The following SLC34A2 variants were observed in gnomAD, a reference collection of about 807,000 sequenced individuals.
SLC34A2 encodes the protein sodium-dependent phosphate transport protein 2B.
Under a neutral mutation model 50.8 loss-of-function variants are expected in SLC34A2, and 41 were observed. The observed-to-expected ratio is 0.81, with a 90% confidence interval of 0.63 to 1.05. SLC34A2 has a LOEUF of 1.05. SLC34A2 is among the 50% of genes least tolerant of loss of function. SLC34A2 has a pLI of 0.00. For missense variants in SLC34A2, 879 were observed against 876.7 expected (o/e 1.00, Z -0.03); for synonymous variants, 401 against 364.2 (o/e 1.10, Z -1.15).
At chr4:25,669,589 T>C in intron 6 of SLC34A2, 58 bp from the exon 7 acceptor site, 1 of 1,527,804 alleles carries the variant, frequency 6.5e-7, no homozygotes, top group East Asian at 2.2e-5. Context: ...ATGACCCACC[T>C]CACATGGTGC....
At chr4:25,669,962 C>T in intron 7 of SLC34A2, 120 bp downstream of exon 7, 1 of 965,282 alleles carries the variant, frequency 1.0e-6, no homozygotes. Flanking sequence ...GTGGCTCACC[C>T]TTGTTTTCCC....
At chr4:25,668,773 A>T (rs751363101) in intron 6 of SLC34A2, among the ~76,000 whole-genome samples, 4 of 152,084 alleles carry the variant, frequency 2.6e-5, no homozygotes, top group Non-Finnish European at 5.9e-5. Flanking sequence ...ATAAAAAACA[A>T]AACCTAGTTT....
chr4:25,669,653 T>G lies in SLC34A2; in HGVS notation c.642T>G (p.Phe214Leu), dbSNP rs566170283. Reference protein sequence around the residue: ...VGDRSEFRRAFAGATVHDFFN... With the variant: ...VGDRSEFRRALAGATVHDFFN... ...CGGGGTTTCCCTCCCATAGAGCTTTTGCAGGAGCCACTGTCCATGACTTCT... is the reference window on the plus strand; with the variant it reads ...CGGGGTTTCCCTCCCATAGAGCTTTGGCAGGAGCCACTGTCCATGACTTCT... The change falls in exon 7 of 13, where the codon TTT (phenylalanine) becomes TTG (leucine). Residue 214 changes from phenylalanine to leucine, a missense_variant. Physicochemically the swap from Phe to Leu is conservative, Grantham distance 22 (BLOSUM62 0). Transcript: ENST00000382051. The G allele has an allele frequency of 1.2e-6, 2 of 1,613,804 alleles. No individual in the cohort carries two copies. Among genetic ancestry groups the G allele is most frequent in the African/African-American group, 2.7e-5 (2 of 74,928 alleles).
intron 3 of SLC34A2, among the ~76,000 whole-genome samples, chr4:25,663,952 A>G (rs1311428281): frequency 6.6e-6 from 1 of 152,150 alleles, no homozygotes; most frequent in Non-Finnish European, 1.5e-5. Context: ...CTCCTCCCAA[A>G]CGCAAATCCT....
intron 6 of SLC34A2, among the ~76,000 whole-genome samples, chr4:25,668,364 T>A (rs1714615937): frequency 6.6e-6 from 1 of 152,138 alleles, no homozygotes; most frequent in Admixed American, 6.5e-5. Flanking sequence ...AGAGTAGGAT[T>A]TATTGGGACT....
At position 25,677,728 on chromosome 4, in the gene SLC34A2, T is replaced by A. The variant is rs1173257082; in HGVS notation, c.*979T>A. On this transcript the variant is annotated 3_prime_UTR_variant, in exon 13 of 13. Transcript: ENST00000382051. Reference sequence around the variant, plus strand: ...GCCACCTTGAATCCCAGGGAGTATCTGCACCTGGAATAGCTCTCCACCCCT... The same window carrying A: ...GCCACCTTGAATCCCAGGGAGTATCAGCACCTGGAATAGCTCTCCACCCCT... The A allele has an allele frequency of 6.6e-6, 1 of 152,178 alleles. No individual in the cohort carries two copies. Among genetic ancestry groups the A allele is most frequent in the Non-Finnish European group, 1.5e-5 (1 of 68,028 alleles). 9.4% of individuals were successfully genotyped at this position (152,178 alleles called of 1,614,324 possible). A position where few individuals can be genotyped will look rare whatever the true frequency, so the allele number is the denominator to read the frequency against.
chr4:25,667,562 C>T (rs147096779), intron 5 of SLC34A2, among the ~76,000 whole-genome samples: 4 of 152,192 alleles, frequency 2.6e-5, no homozygotes, highest in East Asian at 1.9e-4. Context: ...TCCTTAAAGG[C>T]GAGCCTGTGT....
chr4:25,671,775 C>A, intron 9 of SLC34A2, 54 bp downstream of exon 9: 1 of 1,613,206 alleles, frequency 6.2e-7, no homozygotes, highest in Non-Finnish European at 8.5e-7. Flanking sequence ...TGGGGGTGAC[C>A]TATTTATCCG....
At chr4:25,674,266 G>A in intron 10 of SLC34A2, 30 bp from the exon 11 acceptor site, 1 of 1,578,376 alleles carries the variant, frequency 6.3e-7, no homozygotes, top group Non-Finnish European at 8.7e-7. Flanking sequence ...CCCCGGAGAG[G>A]CCATGACATC....
chr4:25,662,021 T>C (rs1200045118), intron 1 of SLC34A2, among the ~76,000 whole-genome samples: 1 of 152,076 alleles, frequency 6.6e-6, no homozygotes, highest in African/African-American at 2.4e-5. Context: ...TATAGGCGTG[T>C]GCCACCACGC....
chr4:25,672,883 G>T (rs566675629), intron 9 of SLC34A2, among the ~76,000 whole-genome samples: 1 of 152,084 alleles, frequency 6.6e-6, no homozygotes, highest in African/African-American at 2.4e-5. Flanking sequence ...AGCCTCATGC[G>T]ATCCCACTGA....
intron 4 of SLC34A2, 55 bp from the exon 5 acceptor site, chr4:25,666,073 T>A: frequency 6.2e-7 from 1 of 1,604,250 alleles, no homozygotes; most frequent in Admixed American, 1.7e-5. Context: ...AGTGCCCACC[T>A]AATCCCCCTC....
intron 5 of SLC34A2, among the ~76,000 whole-genome samples, chr4:25,667,371 A>G (rs1314898664): frequency 1.3e-5 from 2 of 152,048 alleles, no homozygotes; most frequent in African/African-American, 2.4e-5. Context: ...AATTAGCTGG[A>G]TGTGGTGGTG....
chr4:25,664,566 TA>T (rs1714388832), intron 4 of SLC34A2, among the ~76,000 whole-genome samples: 1 of 152,266 alleles, frequency 6.6e-6, no homozygotes, highest in Non-Finnish European at 1.5e-5. Context: ...GGGGCTAGAC[TA>T]TTCCAAGCTA....
At chr4:25,671,237 T>C (rs1714798275) in intron 8 of SLC34A2, among the ~76,000 whole-genome samples, 1 of 152,150 alleles carries the variant, frequency 6.6e-6, no homozygotes, top group Non-Finnish European at 1.5e-5. Context: ...TTCCCCCTGC[T>C]CGGGCCCAGA....
chr4:25,668,640 T>TCAA (rs541385518), intron 6 of SLC34A2, among the ~76,000 whole-genome samples: 43 of 141,476 alleles, frequency 3.0e-4, no homozygotes, highest in African/African-American at 5.7e-4. Context: ...AGACTCCATC[T>TCAA]AAAAAAAAAA....
chr4:25,662,399 A>G (rs1474672525), intron 1 of SLC34A2, 99 bp from the exon 2 acceptor site: 10 of 1,077,856 alleles, frequency 9.3e-6, no homozygotes, highest in African/African-American at 1.6e-5. Context: ...CGAAACCCCC[A>G]CCCAGTTGAT....
At chr4:25,670,937 A>C (rs780772728) in intron 8 of SLC34A2, 104 bp downstream of exon 8, 8 of 923,416 alleles carry the variant, frequency 8.7e-6, no homozygotes, top group Non-Finnish European at 1.4e-5. Context: ...CAGGGGAAAG[A>C]AATATTGGGA....
chr4:25,664,884 G>GC (rs1714406103), intron 4 of SLC34A2: 1 of 233,040 alleles, frequency 4.3e-6, no homozygotes, highest in East Asian at 6.1e-5. Flanking sequence ...AAACAAACAA[G>GC]CAGCACTCCG....
Sources: gnomAD v4.1 joint callset for allele counts (sites outside exome capture counted in the v4.1 genomes callset) on GRCh38, gnomAD v4.1.1 for gene constraint, MANE v1.5 for transcripts, NCBI Gene and HGNC (gene_info 2026-07-23, HGNC 2026-07-21) for gene names.